Variants in ENTREP3 observed in about 807,000 individuals in gnomAD.
ENTREP3 encodes the protein endosomal transmembrane epsin interactor 3.
the ENTREP3 span, among the ~76,000 whole-genome samples, chr1:155,252,363 AATTATT>A: frequency 6.6e-6 from 1 of 151,018 alleles, no homozygotes. Context: ...ATGCCCAGCT[AATTATT>A]ATTATTATTA....
chr1:155,254,674 G>C, the ENTREP3 span: 38 of 1,609,570 alleles, frequency 2.4e-5, no homozygotes, highest in Non-Finnish European at 1.6e-5. The surrounding 1 kb of genome is among the most constrained non-coding windows in gnomAD (Gnocchi z 4.4). Flanking sequence ...CCCAAGACGG[G>C]CAGGACCTCT....
chr1:155,248,589 CCAAT>C, the ENTREP3 span: 2 of 800,748 alleles, frequency 2.5e-6, no homozygotes, highest in Admixed American at 2.1e-5. Context: ...CGCTCCATCC[CCAAT>C]CAAAGGGCCA....
the ENTREP3 span, chr1:155,252,688 G>GTGTGTGTGTA: frequency 4.2e-5 from 2 of 47,196 alleles, no homozygotes; most frequent in African/African-American, 2.9e-4. Flanking sequence ...GTAATTTTGT[G>GTGTGTGTGTA]TGTATATATA....
At chr1:155,250,437 G>A in the ENTREP3 span, 1 of 1,488,366 alleles carries the variant, frequency 6.7e-7, no homozygotes. This position sits in a 1 kb window ranked among gnomAD's most constrained non-coding sequence, Gnocchi z 5.4. Context: ...GGCTGCGGCT[G>A]GGCGGCCCCC....
At chr1:155,255,063 C>T in the ENTREP3 span, 1 of 603,602 alleles carries the variant, frequency 1.7e-6, no homozygotes, top group Non-Finnish European at 2.9e-6. This position sits in a 1 kb window ranked among gnomAD's most constrained non-coding sequence, Gnocchi z 5.6. Flanking sequence ...AGGGGCGTCA[C>T]GGAGGGACCG....
the ENTREP3 span, chr1:155,248,078 C>G: frequency 5.6e-6 from 9 of 1,614,144 alleles, no homozygotes; most frequent in South Asian, 9.9e-5. Flanking sequence ...TCCAGTCCCA[C>G]TGGGGTCTGG....
At chr1:155,254,737 C>G in the ENTREP3 span, 2 of 1,613,916 alleles carry the variant, frequency 1.2e-6, no homozygotes, top group Non-Finnish European at 8.5e-7. This position sits in a 1 kb window ranked among gnomAD's most constrained non-coding sequence, Gnocchi z 4.4. Context: ...AGGTGACCAC[C>G]AGGATGCCCA....
chr1:155,248,487 A>C, the ENTREP3 span: 1 of 1,612,046 alleles, frequency 6.2e-7, no homozygotes, highest in Admixed American at 1.7e-5. Context: ...GGGAGAAGAG[A>C]GAAAGGGAGA....
the ENTREP3 span, chr1:155,254,904 G>A: frequency 1.3e-6 from 2 of 1,527,290 alleles, no homozygotes; most frequent in East Asian, 2.4e-5. The surrounding 1 kb of genome is among the most constrained non-coding windows in gnomAD (Gnocchi z 4.4). Flanking sequence ...CCTGCGCCTC[G>A]CTCGGCCCTC....
chr1:155,250,645 C>T, the ENTREP3 span: 11 of 1,611,866 alleles, frequency 6.8e-6, no homozygotes, highest in Non-Finnish European at 8.5e-6. This position sits in a 1 kb window ranked among gnomAD's most constrained non-coding sequence, Gnocchi z 5.4. Flanking sequence ...CCCCGCAGGC[C>T]ACAGTCCAGG....
At chr1:155,247,283 C>T in the ENTREP3 span, 1 of 405,878 alleles carries the variant, frequency 2.5e-6, no homozygotes, top group Admixed American at 2.8e-5. Flanking sequence ...ATTCTACCTT[C>T]ACAGTCTTTA....
chr1:155,247,416 C>A, the ENTREP3 span: 1 of 533,308 alleles, frequency 1.9e-6, no homozygotes, highest in South Asian at 1.5e-5. Context: ...ATTGCATAGG[C>A]ACACGTCACC....
the ENTREP3 span, chr1:155,250,597 G>GT: frequency 6.2e-7 from 1 of 1,607,226 alleles, no homozygotes; most frequent in Non-Finnish European, 8.5e-7. The surrounding 1 kb of genome is among the most constrained non-coding windows in gnomAD (Gnocchi z 5.4). Context: ...CGGGCAGCCC[G>GT]TGGGGGGCGC....
the ENTREP3 span, chr1:155,247,977 G>A: frequency 2.5e-6 from 4 of 1,608,950 alleles, no homozygotes; most frequent in South Asian, 4.4e-5. Flanking sequence ...CACAAGAAAG[G>A]GCATCATCAA....
the ENTREP3 span, chr1:155,255,148 G>T: frequency 4.9e-5 from 28 of 575,554 alleles, no homozygotes; most frequent in Non-Finnish European, 8.1e-5. The surrounding 1 kb of genome is among the most constrained non-coding windows in gnomAD (Gnocchi z 5.6). Flanking sequence ...CGGGGGCACC[G>T]GCTCATCGCA....
At chr1:155,250,229 C>CA in the ENTREP3 span, 1 of 1,498,938 alleles carries the variant, frequency 6.7e-7, no homozygotes, top group African/African-American at 1.4e-5. This position sits in a 1 kb window ranked among gnomAD's most constrained non-coding sequence, Gnocchi z 5.4. Context: ...ACCTAACTCC[C>CA]AGTGCCTACC....
the ENTREP3 span, chr1:155,250,442 G>T: frequency 6.7e-7 from 1 of 1,485,762 alleles, no homozygotes. The surrounding 1 kb of genome is among the most constrained non-coding windows in gnomAD (Gnocchi z 5.4). Context: ...CGGCTGGGCG[G>T]CCCCCTCCCC....
At chr1:155,254,341 G>GGCT in the ENTREP3 span, 15 of 1,584,434 alleles carry the variant, frequency 9.5e-6, no homozygotes, top group Admixed American at 2.5e-4. This position sits in a 1 kb window ranked among gnomAD's most constrained non-coding sequence, Gnocchi z 4.4. Context: ...GACATAAATG[G>GGCT]GCTTCCCCTT....
At chr1:155,248,579 C>T in the ENTREP3 span, 32 of 854,230 alleles carry the variant, frequency 3.7e-5, no homozygotes, top group Admixed American at 1.2e-4. Context: ...ACAGCTCCCA[C>T]GCTCCATCCC....
Sources: gnomAD v4.1 joint callset for allele counts (sites outside exome capture counted in the v4.1 genomes callset) on GRCh38, gnomAD v4.1.1 for gene constraint, Gnocchi (gnomAD v3.1) non-coding constraint, MANE v1.5 for transcripts, NCBI Gene and HGNC (gene_info 2026-07-23, HGNC 2026-07-21) for gene names.